CNTNAP5: variants seen among roughly 807,000 people sequenced by gnomAD.
CNTNAP5 encodes contactin associated protein family member 5.
In CNTNAP5, 72 loss-of-function variants were observed where a neutral mutation model predicts 150.2. The observed-to-expected ratio is 0.48, with a 90% CI of 0.40 to 0.58. The LOEUF is 0.58. CNTNAP5 is among the 20% of genes least tolerant of loss of function. CNTNAP5 has a pLI of 0.00. For missense variants in CNTNAP5, 1,636 were observed against 1,626.2 expected (o/e 1.01, Z -0.10); for synonymous variants, 672 against 619.8 (o/e 1.08, Z -1.25).
intron 1 of CNTNAP5, among the ~76,000 whole-genome samples, chr2:124,040,600 C>CCT: frequency 7.5e-6 from 1 of 133,966 alleles, no homozygotes; most frequent in Non-Finnish European, 1.6e-5. Context: ...CCTGTGTGTG[C>CCT]CTGTGTGCCT....
rs1683066274 is a variant in CNTNAP5, at chr2:124,101,690, A to C, written c.82+75958A>C. On this transcript the variant is annotated intron_variant, in intron 1 of 23. Coordinates refer to ENST00000682447, the MANE Select transcript of CNTNAP5 (RefSeq NM_001367498.1). ...TAAAAGTTGAAAAGTTATTTATTTC[A>C]GCTATTCACTCACTTCAGCCCCAAT... 3.3e-5 allele frequency among the ~76,000 whole-genome samples: 5 copies of C among 152,224 alleles called. No homozygotes were observed. The South Asian group carries it at 1.0e-3, about 32-fold the overall frequency.
At chr2:124,885,777 G>T in intron 21 of CNTNAP5, among the ~76,000 whole-genome samples, 1 of 151,852 alleles carries the variant, frequency 6.6e-6, no homozygotes, top group South Asian at 2.1e-4. Flanking sequence ...TTATAATATT[G>T]CAGCATGTAA....
intron 14 of CNTNAP5, among the ~76,000 whole-genome samples, chr2:124,751,228 G>A (rs566312224): frequency 6.6e-6 from 1 of 152,082 alleles, no homozygotes; most frequent in Non-Finnish European, 1.5e-5. Context: ...GTTGGGGGTA[G>A]GGGGAACATC....
chr2:124,106,636 G>T (rs1306321740), intron 1 of CNTNAP5, among the ~76,000 whole-genome samples: 1 of 152,160 alleles, frequency 6.6e-6, no homozygotes, highest in Non-Finnish European at 1.5e-5. Context: ...CCTCCATTTG[G>T]ATGTTCCTCA....
intron 7 of CNTNAP5, among the ~76,000 whole-genome samples, chr2:124,502,782 T>A (rs1694307057): frequency 6.6e-6 from 1 of 152,158 alleles, no homozygotes; most frequent in Non-Finnish European, 1.5e-5. Context: ...TTGGTGGATT[T>A]TTTTTTAAAT....
rs1558775269 is a variant in CNTNAP5, at chr2:124,786,459, GA to G, written c.2753-3440del. ...GGAAGGAAGGAAGGAAAGAAAGAAA[GA>G]AAGAAAGGAAGGAAGGAAGGAAGGA... On this transcript the variant is annotated intron_variant, in intron 17 of 23. Transcript: ENST00000682447. Among the ~76,000 whole-genome samples the G allele has an allele frequency of 5.5e-5, 6 of 108,450 alleles. No individual in the cohort carries two copies. The South Asian group carries it at 9.3e-4, about 17-fold the overall frequency. The allele number at this position is 108,450 out of a possible 152,430, so 71.1% of individuals were successfully genotyped here. A position where few individuals can be genotyped will look rare whatever the true frequency, so the allele number is the denominator to read the frequency against.
intron 21 of CNTNAP5, among the ~76,000 whole-genome samples, chr2:124,872,280 G>T (rs1371686520): frequency 6.6e-6 from 1 of 151,468 alleles, no homozygotes; most frequent in Non-Finnish European, 1.5e-5. Context: ...TAAACATTTT[G>T]TCTCTGATAA....
chr2:124,695,567 A>C (rs756596560), intron 13 of CNTNAP5, among the ~76,000 whole-genome samples: 1 of 152,188 alleles, frequency 6.6e-6, no homozygotes, highest in Non-Finnish European at 1.5e-5. Context: ...ATATGCACCT[A>C]AACTCTCAGA....
rs184749391 is a variant in CNTNAP5, at chr2:124,760,404, T to G, written c.2235-3268T>G. Among the ~76,000 whole-genome samples, 99 of 152,170 alleles carry G rather than the reference T, an allele frequency of 6.5e-4. 1 individual carries two copies. In the East Asian group the frequency reaches 0.019, roughly 29 times the overall value. ...TTACCAAGCAGCAGTTAACCAAAAT[T>G]CGTTGATGAAAATGAATGGCAGTCT... On this transcript the variant is annotated intron_variant, in intron 14 of 23. Transcript: ENST00000682447.
At chr2:124,157,010 T>C (rs893574545) in intron 1 of CNTNAP5, among the ~76,000 whole-genome samples, 1 of 152,212 alleles carries the variant, frequency 6.6e-6, no homozygotes, top group African/African-American at 2.4e-5. Flanking sequence ...GCCTGATACA[T>C]AGTTTGTTGC....
chr2:124,801,237 A>G (rs1386910660), intron 19 of CNTNAP5, among the ~76,000 whole-genome samples: 2 of 152,206 alleles, frequency 1.3e-5, no homozygotes, highest in Admixed American at 6.5e-5. Flanking sequence ...AACTGTGAAG[A>G]TAAGAAAAGA....
intron 1 of CNTNAP5, among the ~76,000 whole-genome samples, chr2:124,219,850 G>C (rs1440804677): frequency 6.6e-6 from 1 of 152,028 alleles, no homozygotes; most frequent in Non-Finnish European, 1.5e-5. Flanking sequence ...AAATGGTAGT[G>C]ATCTGCTTTC....
At chr2:124,174,556 G>A (rs1273899085) in intron 1 of CNTNAP5, among the ~76,000 whole-genome samples, 1 of 152,204 alleles carries the variant, frequency 6.6e-6, no homozygotes. Flanking sequence ...ACTAAAAGTG[G>A]AACCTGAAGA....
intron 10 of CNTNAP5, among the ~76,000 whole-genome samples, chr2:124,552,804 G>T (rs746111999): frequency 6.6e-6 from 1 of 152,046 alleles, no homozygotes; most frequent in Non-Finnish European, 1.5e-5. Context: ...TATTCCCACC[G>T]GTAACCACTG....
intron 2 of CNTNAP5, among the ~76,000 whole-genome samples, chr2:124,238,379 T>A (rs1686805004): frequency 6.6e-6 from 1 of 152,146 alleles, no homozygotes; most frequent in East Asian, 1.9e-4. Flanking sequence ...ATTGCCTGAC[T>A]TTTGGTACAG....
rs569352393 is a variant in CNTNAP5 at position 124,703,856 on chromosome 2, T to G, written c.2078-43373T>G. 1.8e-4 allele frequency among the ~76,000 whole-genome samples: 27 copies of G among 152,284 alleles called. 1 individual carries two copies. In the East Asian group the frequency reaches 5.2e-3, roughly 29 times the overall value. ...CATAGAAGGTCAATGCCTGATGACA[T>G]CAGCCAAGTCAGTGAATGACACACT... On this transcript the variant is annotated intron_variant, in intron 13 of 23. Transcript: ENST00000682447.
chr2:124,242,417 T>A, intron 3 of CNTNAP5, 24 bp downstream of exon 3: 1 of 1,594,434 alleles, frequency 6.3e-7, no homozygotes, highest in East Asian at 2.3e-5. Flanking sequence ...TTCCTTCCAA[T>A]GAATAAAACT....
At chr2:124,578,634 C>A (rs759546396) in intron 11 of CNTNAP5, among the ~76,000 whole-genome samples, 9 of 151,914 alleles carry the variant, frequency 5.9e-5, no homozygotes, top group Middle Eastern at 3.2e-3. Context: ...TAGCCAAGCA[C>A]GGTGGTGCAC....
At chr2:124,100,464 C>G (rs536089680) in intron 1 of CNTNAP5, among the ~76,000 whole-genome samples, 9 of 152,072 alleles carry the variant, frequency 5.9e-5, no homozygotes, top group African/African-American at 1.7e-4. Context: ...ATAACTAATA[C>G]GTATAATAAG....
Sources: allele counts gnomAD v4.1 joint callset (sites outside exome capture counted in the v4.1 genomes callset), GRCh38; gene constraint gnomAD v4.1.1; transcripts MANE v1.5; gene names NCBI Gene and HGNC (gene_info 2026-07-23, HGNC 2026-07-21).